The following BACH2 variants were observed in gnomAD, a reference collection of about 807,000 sequenced individuals.
BACH2 encodes the protein transcription regulator protein BACH2.
Under a neutral mutation model 61.8 loss-of-function variants are expected in BACH2, and 5 were observed. The ratio of observed to expected loss-of-function variants is 0.08; its 90% CI spans 0.04 to 0.17. The LOEUF (loss-of-function observed/expected upper bound fraction) is 0.17, where lower values mean the gene tolerates loss of function less well. Among genes scored for constraint, BACH2 ranks in the 10% least tolerant of loss-of-function variants. The pLI, the probability that BACH2 is intolerant of heterozygous loss-of-function variation, is 1.00. For missense variants in BACH2, 824 were observed against 1,091.1 expected (o/e 0.76, Z 3.45); for synonymous variants, 446 against 440.1 (o/e 1.01, Z -0.17).
At chr6:89,936,876 C>T (rs1773059235) in intron 8 of BACH2, among the ~76,000 whole-genome samples, 1 of 152,258 alleles carries the variant, frequency 6.6e-6, no homozygotes, top group Admixed American at 6.5e-5. Context: ...AGGAGCCACA[C>T]TTAGATCATG....
intron 5 of BACH2, among the ~76,000 whole-genome samples, chr6:90,047,636 C>T (rs1582262552): frequency 6.6e-6 from 1 of 152,106 alleles, no homozygotes; most frequent in African/African-American, 2.4e-5. Context: ...CCCATCCTGA[C>T]GTTCCTAGGA....
chr6:90,283,783 A>G (rs1488141714), intron 1 of BACH2, among the ~76,000 whole-genome samples: 1 of 152,020 alleles, frequency 6.6e-6, no homozygotes, highest in Non-Finnish European at 1.5e-5. Flanking sequence ...TGAGGCAGGC[A>G]GATCACTTGA....
chr6:90,102,006 A>G (rs1203080221), intron 4 of BACH2, among the ~76,000 whole-genome samples: 1 of 152,176 alleles, frequency 6.6e-6, no homozygotes, highest in African/African-American at 2.4e-5. Context: ...TGCAAAACTG[A>G]TGATCTTATT....
chr6:90,037,776 T>C (rs949850350), intron 5 of BACH2, among the ~76,000 whole-genome samples: 1 of 152,188 alleles, frequency 6.6e-6, no homozygotes, highest in Non-Finnish European at 1.5e-5. Flanking sequence ...TCATTGCAGA[T>C]GTAATTAGTT....
At chr6:90,018,502 T>C (rs1200208674) in intron 5 of BACH2, among the ~76,000 whole-genome samples, 1 of 152,232 alleles carries the variant, frequency 6.6e-6, no homozygotes, top group East Asian at 1.9e-4. Flanking sequence ...CATTATTTCA[T>C]ATATTTTATC....
intron 4 of BACH2, among the ~76,000 whole-genome samples, chr6:90,091,481 C>T (rs1348748453): frequency 6.6e-6 from 1 of 152,124 alleles, no homozygotes; most frequent in Non-Finnish European, 1.5e-5. Context: ...AATGCTAAAG[C>T]AGGTCTTACA....
At chr6:90,102,570 C>T (rs1782685615) in intron 4 of BACH2, among the ~76,000 whole-genome samples, 1 of 152,074 alleles carries the variant, frequency 6.6e-6, no homozygotes, top group Admixed American at 6.5e-5. Context: ...TGGTGGATCA[C>T]TTGAGGTCAG....
At chr6:90,211,447 T>C (rs1769346321) in intron 3 of BACH2, among the ~76,000 whole-genome samples, 1 of 152,128 alleles carries the variant, frequency 6.6e-6, no homozygotes, top group Non-Finnish European at 1.5e-5. Context: ...CCACTATTTA[T>C]TTACCATCAA....
intron 6 of BACH2, among the ~76,000 whole-genome samples, chr6:89,982,810 A>G (rs1050943327): frequency 1.3e-5 from 2 of 152,236 alleles, no homozygotes; most frequent in African/African-American, 4.8e-5. Flanking sequence ...CATGGCAAGC[A>G]GGGCCGGGTC....
At chr6:90,183,556 C>T (rs1354983907) in intron 4 of BACH2, among the ~76,000 whole-genome samples, 1 of 152,230 alleles carries the variant, frequency 6.6e-6, no homozygotes, top group Non-Finnish European at 1.5e-5. Context: ...AGACAATGGT[C>T]ATTTATTTGT....
chr6:90,171,757 G>T (rs1365424536), intron 4 of BACH2, among the ~76,000 whole-genome samples: 1 of 152,124 alleles, frequency 6.6e-6, no homozygotes, highest in African/African-American at 2.4e-5. Context: ...TAAAATAGAT[G>T]TGTTTAACAT....
At chr6:90,182,523 A>G (rs544212011) in intron 4 of BACH2, among the ~76,000 whole-genome samples, 7 of 152,218 alleles carry the variant, frequency 4.6e-5, no homozygotes, top group Admixed American at 1.3e-4. Context: ...TTATGGGCTT[A>G]GGGACTGATC....
rs567936272 is a variant in BACH2, at chr6:90,279,155, C to A, written c.-445-7214G>T. Reference sequence around the variant, plus strand: ...CAAGCTAGAATATGTGATTTCAAACCATTCTGAAAAAATCTAAAATCGAAC... The same window carrying A: ...CAAGCTAGAATATGTGATTTCAAACAATTCTGAAAAAATCTAAAATCGAAC... On this transcript the variant is annotated intron_variant, in intron 1 of 8. Coordinates refer to ENST00000257749, the MANE Select transcript of BACH2 (RefSeq NM_021813.4). 2.0e-5 allele frequency among the ~76,000 whole-genome samples: 3 copies of A among 152,026 alleles called. No homozygotes were observed. In the East Asian group the frequency reaches 5.8e-4, roughly 29 times the overall value.
chr6:90,015,801 GTCT>G (rs1417168734), intron 5 of BACH2, among the ~76,000 whole-genome samples: 1 of 152,172 alleles, frequency 6.6e-6, no homozygotes, highest in Admixed American at 6.5e-5. Flanking sequence ...TGTTGTTCAA[GTCT>G]TCTAATATCT....
intron 6 of BACH2, among the ~76,000 whole-genome samples, chr6:89,975,155 G>A (rs532148625): frequency 6.6e-6 from 1 of 152,322 alleles, no homozygotes; most frequent in East Asian, 1.9e-4. Flanking sequence ...TCTGGGAGAG[G>A]CAGACCTTAG....
At chr6:90,239,805 AC>A (rs1439580526) in intron 3 of BACH2, among the ~76,000 whole-genome samples, 9 of 87,728 alleles carry the variant, frequency 1.0e-4, no homozygotes, top group Non-Finnish European at 2.1e-5. Context: ...GAATACACAC[AC>A]ACACACACAC....
intron 5 of BACH2, among the ~76,000 whole-genome samples, chr6:90,014,071 A>C (rs1777881912): frequency 6.6e-6 from 1 of 152,112 alleles, no homozygotes; most frequent in South Asian, 2.1e-4. Context: ...GGTGTAAGCC[A>C]CTGTGCCCAG....
intron 3 of BACH2, among the ~76,000 whole-genome samples, chr6:90,214,353 G>A (rs577090559): frequency 3.3e-5 from 5 of 151,780 alleles, no homozygotes; most frequent in Admixed American, 6.6e-5. Flanking sequence ...CTCCCTTGGC[G>A]GGGCGGGGGG....
At chr6:90,059,616 C>T (rs531928431) in intron 5 of BACH2, among the ~76,000 whole-genome samples, 231 of 152,250 alleles carry the variant, frequency 1.5e-3, no homozygotes, top group African/African-American at 5.0e-3. Context: ...CCAGCCATCC[C>T]ATTACTGGGT....
Sources: allele counts gnomAD v4.1 joint callset (sites outside exome capture counted in the v4.1 genomes callset), GRCh38; gene constraint gnomAD v4.1.1; transcripts MANE v1.5; gene names NCBI Gene and HGNC (gene_info 2026-07-23, HGNC 2026-07-21).